The following DNAI4 variants were observed in gnomAD, a reference collection of about 807,000 sequenced individuals.
DNAI4 encodes the protein dynein axonemal intermediate chain 4.
A neutral mutation model predicts 105.8 loss-of-function variants in DNAI4; 85 were observed. That is an observed-to-expected ratio of 0.80 (90% CI 0.67 to 0.96). The LOEUF is 0.96. Ranked by LOEUF, DNAI4 falls within the 40% of genes least tolerant of loss-of-function variation. DNAI4 has a pLI of 0.00. For missense variants in DNAI4, 1,014 were observed against 1,005.6 expected (o/e 1.01, Z -0.11); for synonymous variants, 352 against 331.5 (o/e 1.06, Z -0.67).
chr1:66,873,852 C>CTTTTTTTT (rs749140367), intron 5 of DNAI4, among the ~76,000 whole-genome samples: 80 of 110,062 alleles, frequency 7.3e-4, no homozygotes, highest in African/African-American at 1.1e-3. Context: ...TCCCTCTTTC[C>CTTTTTTTT]TTTTTTTTTT....
At chr1:66,900,392 C>T (rs773636885) in intron 2 of DNAI4, among the ~76,000 whole-genome samples, 16 of 152,172 alleles carry the variant, frequency 1.1e-4, no homozygotes, top group South Asian at 2.1e-4. Context: ...TGAGCCACCG[C>T]GCCTGGCCCC....
At chr1:66,880,228 C>T (rs1417167373) in intron 4 of DNAI4, among the ~76,000 whole-genome samples, 1 of 152,132 alleles carries the variant, frequency 6.6e-6, no homozygotes, top group East Asian at 1.9e-4. Flanking sequence ...TGAAAATGGA[C>T]TAATACAGTA....
At position 66,847,574 on chromosome 1, in the gene DNAI4, G is replaced by T; in HGVS notation, c.1201C>A (p.His401Asn). 6.2e-7 allele frequency: 1 copy of T among 1,613,948 alleles called. No homozygotes were observed. The highest frequency in any genetic ancestry group is 8.5e-7 in the Non-Finnish European group (1 of 1,179,962). Residue 401 changes from histidine (H) to asparagine (N), a missense_variant, in exon 8 of 17, where the codon CAT becomes AAT. His to Asn is a moderately conservative substitution (Grantham distance 68, BLOSUM62 1). Transcript: ENST00000371026. ...SDAILKSDKF[H>N]QDLFFMERVL... ...CGTTCCATAAAAAATAAGTCCTGATGAAATTTGTCAGATTTTAATATTGCA... is the reference window on the plus strand; with the variant it reads ...CGTTCCATAAAAAATAAGTCCTGATTAAATTTGTCAGATTTTAATATTGCA...
In DNAI4 at chr1:66,881,782, T is replaced by C. The variant is rs182919599; in HGVS notation, c.644-6845A>G. Reference sequence around the variant, plus strand: ...GGTTTTGAAATGTGAGGACATGAGATTTAGAAGAGACCAGGGGTGGAATGA... The same window carrying C: ...GGTTTTGAAATGTGAGGACATGAGACTTAGAAGAGACCAGGGGTGGAATGA... On this transcript the variant is annotated intron_variant, in intron 4 of 16. Transcript: ENST00000371026. 1.3e-3 allele frequency among the ~76,000 whole-genome samples: 197 copies of C among 152,264 alleles called. 2 individuals carry two copies. The highest frequency in any genetic ancestry group is 5.9e-5 in the Non-Finnish European group (4 of 68,012).
chr1:66,907,322 A>G (rs1329222495), intron 1 of DNAI4, among the ~76,000 whole-genome samples: 1 of 152,158 alleles, frequency 6.6e-6, no homozygotes, highest in Non-Finnish European at 1.5e-5. Context: ...TTTCTACCAA[A>G]TAATCAGAAC....
At chr1:66,887,386 T>C (rs187351332) in intron 4 of DNAI4, among the ~76,000 whole-genome samples, 23 of 152,292 alleles carry the variant, frequency 1.5e-4, no homozygotes, top group African/African-American at 5.3e-4. Flanking sequence ...TTTCTTGTTA[T>C]AAGACAGGAG....
At position 66,893,073 on chromosome 1, in the gene DNAI4, G is replaced by A. The variant is rs1486511467; in HGVS notation, c.530+156C>T. On this transcript the variant is annotated intron_variant, in intron 3 of 16. Transcript: ENST00000371026. ...AAAGAAAGAGAGAGAGAGAAAGAAA[G>A]AAAGAAAGAAAGAAAGAAAGAAAGA... is the stretch of plus-strand genomic sequence containing the variant. Among the ~76,000 whole-genome samples the A allele has an allele frequency of 5.6e-3, 768 of 136,006 alleles. 22 individuals carry two copies. Among genetic ancestry groups the A allele is most frequent in the African/African-American group, 0.018 (599 of 33,290 alleles). 89.2% of individuals were successfully genotyped at this position (136,006 alleles called of 152,430 possible).
intron 8 of DNAI4, among the ~76,000 whole-genome samples, chr1:66,846,152 A>C (rs1646270614): frequency 6.6e-6 from 1 of 152,172 alleles, no homozygotes; most frequent in South Asian, 2.1e-4. Flanking sequence ...CAATATATAC[A>C]GTACTATGTG....
intron 7 of DNAI4, among the ~76,000 whole-genome samples, chr1:66,854,138 C>T (rs1282079657): frequency 6.6e-6 from 1 of 152,124 alleles, no homozygotes; most frequent in Non-Finnish European, 1.5e-5. Context: ...ATGCCTGTAA[C>T]CCCAGCACTT....
intron 15 of DNAI4, among the ~76,000 whole-genome samples, chr1:66,824,721 G>T (rs1246562906): frequency 1.3e-5 from 2 of 152,008 alleles, no homozygotes; most frequent in Admixed American, 1.3e-4. Context: ...GTCTGTTGTT[G>T]GTGTATAAGA....
chr1:66,869,526 A>C (rs1646798313), intron 6 of DNAI4, among the ~76,000 whole-genome samples: 1 of 152,208 alleles, frequency 6.6e-6, no homozygotes, highest in African/African-American at 2.4e-5. Context: ...CTACATATTA[A>C]TATTTGGAAA....
At chr1:66,882,076 G>A (rs897843392) in intron 4 of DNAI4, among the ~76,000 whole-genome samples, 15 of 152,176 alleles carry the variant, frequency 9.9e-5, no homozygotes, top group African/African-American at 3.1e-4. Flanking sequence ...GGCCTCCCCA[G>A]CCATGTGAAA....
chr1:66,849,926 T>C (rs1020773837), intron 7 of DNAI4, among the ~76,000 whole-genome samples: 1 of 151,906 alleles, frequency 6.6e-6, no homozygotes, highest in African/African-American at 2.4e-5. Flanking sequence ...TCTGCAACCA[T>C]AACAACATAT....
intron 13 of DNAI4, among the ~76,000 whole-genome samples, chr1:66,829,256 C>T (rs1182309102): frequency 2.0e-5 from 3 of 151,972 alleles, no homozygotes; most frequent in East Asian, 1.9e-4. Flanking sequence ...ATCTTAGCAG[C>T]ATAATTAAAA....
chr1:66,856,630 T>C (rs1478105173), intron 7 of DNAI4, among the ~76,000 whole-genome samples: 2 of 151,948 alleles, frequency 1.3e-5, no homozygotes, highest in Non-Finnish European at 2.9e-5. Flanking sequence ...ATAGAAATCA[T>C]ATACAGTCTC....
In DNAI4 at chr1:66,812,990, GA is replaced by G. The variant is rs1324273389; in HGVS notation, c.*1139del. 1.3e-5 allele frequency: 2 copies of G among 152,254 alleles called. No individual in the cohort carries two copies. Among genetic ancestry groups the G allele is most frequent in the East Asian group, 1.9e-4 (1 of 5,326 alleles). The allele number at this position is 152,254 out of a possible 1,614,324, so 9.4% of individuals were successfully genotyped here. A position where few individuals can be genotyped will look rare whatever the true frequency, so the allele number is the denominator to read the frequency against. On this transcript the variant is annotated 3_prime_UTR_variant, in exon 17 of 17. Transcript: ENST00000371026. ...AGATAATCACAATGACATACCAGTG[GA>G]AAATTTATAATCCTAATAACCTGAC...
rs769595577 is a variant in DNAI4 at position 66,847,689 on chromosome 1, C to T, written c.1097-11G>A. 2.6e-6 allele frequency: 4 copies of T among 1,558,466 alleles called. No individual in the cohort carries two copies. The East Asian group carries it at 9.0e-5, about 35-fold the overall frequency. ...AACTAGTTTCACTATCTACAAAATA[C>T]AAACATGATACAATGATAAAATATT... On this transcript the variant is annotated splice_polypyrimidine_tract_variant and intron_variant, in intron 7 of 16. Coordinates refer to ENST00000371026, the MANE Select transcript of DNAI4 (RefSeq NM_024763.5).
intron 1 of DNAI4, among the ~76,000 whole-genome samples, chr1:66,920,002 C>T (rs771072106): frequency 1.3e-5 from 2 of 152,204 alleles, no homozygotes; most frequent in Non-Finnish European, 2.9e-5. Flanking sequence ...TGGCGAGGGC[C>T]CCACCCTCAA....
chr1:66,922,537 A>C (rs1650570111), intron 1 of DNAI4, among the ~76,000 whole-genome samples: 1 of 152,218 alleles, frequency 6.6e-6, no homozygotes, highest in Non-Finnish European at 1.5e-5. Flanking sequence ...AAAACTTGAG[A>C]AATGTTTTGA....
Sources: gnomAD v4.1 joint callset for allele counts (sites outside exome capture counted in the v4.1 genomes callset) on GRCh38, gnomAD v4.1.1 for gene constraint, MANE v1.5 for transcripts, NCBI Gene and HGNC (gene_info 2026-07-23, HGNC 2026-07-21) for gene names.